Variants in USP46 observed in about 807,000 individuals in gnomAD.
USP46 encodes ubiquitin specific peptidase 46.
USP46 carries 12 observed loss-of-function variants against 44.4 expected under a neutral mutation model. The ratio of observed to expected loss-of-function variants is 0.27; its 90% CI spans 0.17 to 0.44. USP46 has a LOEUF of 0.44. Among genes scored for constraint, USP46 ranks in the 20% least tolerant of loss-of-function variants. The pLI is 1.00. For missense variants in USP46, 248 were observed against 444.8 expected, an observed-to-expected ratio of 0.56 and a Z score of 3.98; for synonymous variants, 155 against 161.5, an observed-to-expected ratio of 0.96 and a Z score of 0.31.
chr4:52,650,338 G>T (rs1718708329), intron 1 of USP46, among the ~76,000 whole-genome samples: 1 of 152,206 alleles, frequency 6.6e-6, no homozygotes, highest in South Asian at 2.1e-4. Context: ...AAGAAAGACA[G>T]TTGCAAAAAG....
At position 52,597,720 on chromosome 4, in the gene USP46, C is replaced by T. The variant is rs1486039572; in HGVS notation, c.1021G>A (p.Glu341Lys). ...IVEKIDAQAI[E>K]EFYGLTSDIS... ...TCTGACGTCAGGCCATAGAATTCTTCAATAGCTTGAGCATCTATTTTCTGC... is the reference window on the plus strand; with the variant it reads ...TCTGACGTCAGGCCATAGAATTCTTTAATAGCTTGAGCATCTATTTTCTGC... The change falls in exon 9 of 9, where the codon GAA becomes AAA. Residue 341 changes from glutamate to lysine, a missense_variant. By Grantham distance (56) the Glu-to-Lys change is moderately conservative. Coordinates refer to ENST00000441222, the MANE Select transcript of USP46 (RefSeq NM_022832.4). The T allele has an allele frequency of 6.2e-7, 1 of 1,601,466 alleles. No homozygotes were observed. The highest frequency in any genetic ancestry group is 8.5e-7 in the Non-Finnish European group (1 of 1,174,028).
intron 7 of USP46, among the ~76,000 whole-genome samples, chr4:52,600,295 G>A (rs1272035690): frequency 6.6e-6 from 1 of 152,092 alleles, no homozygotes; most frequent in Non-Finnish European, 1.5e-5. Context: ...TGCACCTGCT[G>A]CAACTGTGGG....
At chr4:52,658,961 C>G (rs1413217336) in intron 1 of USP46, among the ~76,000 whole-genome samples, 154 bp downstream of exon 1, 2 of 151,664 alleles carry the variant, frequency 1.3e-5, no homozygotes, top group African/African-American at 4.8e-5. Context: ...GAGGTGGCTG[C>G]GGCCGCGCGC....
At chr4:52,636,637 C>A (rs1280422920) in intron 1 of USP46, among the ~76,000 whole-genome samples, 1 of 136,678 alleles carries the variant, frequency 7.3e-6, no homozygotes, top group Admixed American at 8.2e-5. Context: ...ACCCAGGAGG[C>A]AGAGGTTGCA....
chr4:52,659,064 C>A lies in USP46; in HGVS notation c.36+51G>T. 1 of 1,528,000 alleles carries A rather than the reference C, an allele frequency of 6.5e-7. No homozygotes were observed. Among genetic ancestry groups the A allele is most frequent in the Non-Finnish European group, 8.8e-7 (1 of 1,138,492 alleles). 94.7% of individuals were successfully genotyped at this position (1,528,000 alleles called of 1,614,324 possible). On this transcript the variant is annotated intron_variant, in intron 1 of 8. Transcript: ENST00000441222. This position sits in a 1 kb window ranked among gnomAD's most constrained non-coding sequence, Gnocchi z 4.2. ...GTGTGTGCAGCTCGGGCTTCCCTTT[C>A]TTTGCCTCGCCGCGAGTCGGGCGCG...
At chr4:52,657,318 T>G (rs1265475386) in intron 1 of USP46, among the ~76,000 whole-genome samples, 1 of 151,852 alleles carries the variant, frequency 6.6e-6, no homozygotes, top group Non-Finnish European at 1.5e-5. Context: ...TGAAACACGT[T>G]GTGACATTCA....
intron 5 of USP46, among the ~76,000 whole-genome samples, chr4:52,609,898 C>CTTTTTTTTTTTTTTTTTTT (rs66817554): frequency 1.2e-4 from 3 of 24,588 alleles, no homozygotes; most frequent in Non-Finnish European, 1.6e-4. Flanking sequence ...AATTCTATTT[C>CTTTTTTTTTTTTTTTTTTT]TTTTTTTTTT....
In USP46 at chr4:52,593,209, C is replaced by T. The variant is rs1716096643; in HGVS notation, c.*4431G>A. On this transcript the variant is annotated 3_prime_UTR_variant, in exon 9 of 9. Coordinates refer to ENST00000441222, the MANE Select transcript of USP46 (RefSeq NM_022832.4). ...GGAAATTTGAAGAAATGGGAAAATA[C>T]ATTCTCTAGAATTTGTGTCACCTTG... is the stretch of plus-strand genomic sequence containing the variant. 6.0e-6 allele frequency: 2 copies of T among 334,024 alleles called. No individual in the cohort carries two copies. Among genetic ancestry groups the T allele is most frequent in the African/African-American group, 2.1e-5 (1 of 47,312 alleles). The allele number at this position is 334,024 out of a possible 1,614,324, so 20.7% of individuals were successfully genotyped here. A position where few individuals can be genotyped will look rare whatever the true frequency, so the allele number is the denominator to read the frequency against.
rs150712081 is a variant in USP46, at chr4:52,596,213, T to C, written c.*1427A>G. ...TTTCCATTTCAATTTTAGTTCACAT[T>C]ATGCCCAAAGTTTGCATGTTCATCA... On this transcript the variant is annotated 3_prime_UTR_variant, in exon 9 of 9. Transcript: ENST00000441222. 5.2e-5 allele frequency: 8 copies of C among 152,802 alleles called. No homozygotes were observed. The highest frequency in any genetic ancestry group is 1.9e-4 in the African/African-American group (8 of 41,602). 9.5% of individuals were successfully genotyped at this position (152,802 alleles called of 1,614,324 possible). A position where few individuals can be genotyped will look rare whatever the true frequency, so the allele number is the denominator to read the frequency against.
In USP46 at chr4:52,597,305, C is replaced by A; in HGVS notation, c.*335G>T. ...GAAGCCATAGAAGTTTAGCAAACAC[C>A]TAAAACAGACCGTAGACATTCATAG... On this transcript the variant is annotated 3_prime_UTR_variant, in exon 9 of 9. Coordinates refer to ENST00000441222, the MANE Select transcript of USP46 (RefSeq NM_022832.4). The A allele has an allele frequency of 4.2e-6, 1 of 236,424 alleles. No homozygotes were observed. Among genetic ancestry groups the A allele is most frequent in the Non-Finnish European group, 8.2e-6 (1 of 122,694 alleles). The allele number at this position is 236,424 out of a possible 1,614,324, so 14.6% of individuals were successfully genotyped here.
chr4:52,645,929 T>C (rs1027313547), intron 1 of USP46, among the ~76,000 whole-genome samples: 1 of 150,904 alleles, frequency 6.6e-6, no homozygotes, highest in Non-Finnish European at 1.5e-5. Context: ...TGCTCTCTCC[T>C]GCTCCACCAT....
At chr4:52,638,234 G>T (rs1019375604) in intron 1 of USP46, among the ~76,000 whole-genome samples, 1 of 152,134 alleles carries the variant, frequency 6.6e-6, no homozygotes, top group Non-Finnish European at 1.5e-5. Flanking sequence ...GTGACGGGAC[G>T]TGACAACAGA....
intron 4 of USP46, among the ~76,000 whole-genome samples, chr4:52,617,728 T>C (rs1378697647): frequency 1.3e-5 from 2 of 150,550 alleles, no homozygotes; most frequent in Non-Finnish European, 2.9e-5. Context: ...GGTTTTTTTG[T>C]TGTTGTTGGG....
intron 6 of USP46, among the ~76,000 whole-genome samples, chr4:52,602,889 C>T (rs372724331): frequency 5.3e-5 from 8 of 152,300 alleles, no homozygotes; most frequent in African/African-American, 1.9e-4. Context: ...TAACATTTCT[C>T]AGTAAAAAGT....
chr4:52,644,988 T>A (rs1331889010), intron 1 of USP46, among the ~76,000 whole-genome samples: 1 of 150,474 alleles, frequency 6.6e-6, no homozygotes, highest in Admixed American at 6.6e-5. Flanking sequence ...ACCCAGGAGG[T>A]GGAGGTTGCA....
In USP46 at chr4:52,647,854, G is replaced by A. The variant is rs187178231; in HGVS notation, c.36+11261C>T. Among the ~76,000 whole-genome samples, 468 of 152,274 alleles carry A rather than the reference G, an allele frequency of 3.1e-3. 2 individuals are homozygous for A. The highest frequency in any genetic ancestry group is 0.01 in the Middle Eastern group (3 of 294). Reference sequence around the variant, plus strand: ...AGGCCTCAGTGACCTGCCCAACACCGCTAAAGCTGGAAAGCAATCAGAGCC... The same window carrying A: ...AGGCCTCAGTGACCTGCCCAACACCACTAAAGCTGGAAAGCAATCAGAGCC... On this transcript the variant is annotated intron_variant, in intron 1 of 8. Transcript: ENST00000441222.
In USP46 at chr4:52,597,644, T is replaced by A; in HGVS notation, c.1097A>T (p.Glu366Val). 1.3e-6 allele frequency: 2 copies of A among 1,575,792 alleles called. No homozygotes were observed. Among genetic ancestry groups the A allele is most frequent in the Non-Finnish European group, 1.7e-6 (2 of 1,157,196 alleles). Reference sequence around the variant, plus strand: ...TCAGTCCCGCAGGTCTTTCAGTTACTCTCTTGACTGATAGAATAAAATATA... The same window carrying A: ...TCAGTCCCGCAGGTCTTTCAGTTACACTCTTGACTGATAGAATAAAATATA... ...SGYILFYQSRE is the reference protein window; with the variant it reads ...SGYILFYQSRV Residue 366 changes from glutamate to valine, a missense_variant, in exon 9 of 9, where the codon GAG becomes GTG. Coordinates refer to ENST00000441222, the MANE Select transcript of USP46 (RefSeq NM_022832.4).
intron 5 of USP46, among the ~76,000 whole-genome samples, chr4:52,605,217 C>T (rs1193991722): frequency 6.6e-6 from 1 of 152,186 alleles, no homozygotes; most frequent in Non-Finnish European, 1.5e-5. Flanking sequence ...ACTGCTCCCC[C>T]GCCGGAGGAG....
intron 1 of USP46, among the ~76,000 whole-genome samples, chr4:52,657,612 G>C (rs1719004083): frequency 6.6e-6 from 1 of 152,228 alleles, no homozygotes; most frequent in Non-Finnish European, 1.5e-5. Context: ...CTGGTCGTAG[G>C]AGAGAAACTG....
Sources: allele counts gnomAD v4.1 joint callset (sites outside exome capture counted in the v4.1 genomes callset), GRCh38; gene constraint gnomAD v4.1.1; non-coding constraint Gnocchi (gnomAD v3.1); transcripts MANE v1.5; gene names NCBI Gene and HGNC (gene_info 2026-07-23, HGNC 2026-07-21).